The following PBX1 variants were observed in gnomAD, a reference collection of about 807,000 sequenced individuals.
PBX1 encodes pre-B-cell leukemia transcription factor 1.
A neutral mutation model predicts 53.4 loss-of-function variants in PBX1; 6 were observed. The ratio of observed to expected loss-of-function variants is 0.11; its 90% confidence interval spans 0.06 to 0.22. The LOEUF is 0.22. Among genes scored for constraint, PBX1 ranks in the 10% least tolerant of loss-of-function variants. The probability of loss-of-function intolerance (pLI) is 1.00; values close to 1 mark genes in which losing one functional copy is unlikely to be tolerated. For synonymous variants in PBX1, 204 were observed against 212.3 expected (o/e 0.96, Z 0.34); for missense variants, 251 against 551.4 (o/e 0.46, Z 5.46).
intron 7 of PBX1, 73 bp from the exon 8 acceptor site, chr1:164,821,464 C>T (rs1419576372): frequency 5.3e-6 from 6 of 1,140,760 alleles, no homozygotes; most frequent in Admixed American, 1.7e-5. Context: ...GGTGGCCTGC[C>T]TGATGATGAT....
chr1:164,632,779 A>G (rs577712626), intron 2 of PBX1, among the ~76,000 whole-genome samples: 144 of 152,296 alleles, frequency 9.5e-4, no homozygotes, highest in South Asian at 2.9e-3. Context: ...TATTATTACC[A>G]GGAACTCATT....
intron 8 of PBX1, among the ~76,000 whole-genome samples, chr1:164,834,711 GA>G (rs1670948157): frequency 6.6e-6 from 1 of 152,176 alleles, no homozygotes; most frequent in Non-Finnish European, 1.5e-5. Context: ...GTTGTATTTT[GA>G]AAAGAGTTAT....
At chr1:164,873,696 T>G (rs1672433536) in intron 2 of PBX1, among the ~76,000 whole-genome samples, 1 of 152,204 alleles carries the variant, frequency 6.6e-6, no homozygotes, top group South Asian at 2.1e-4. Flanking sequence ...TTTGATATTC[T>G]CTCAACCACC....
At chr1:164,645,414 A>G (rs990533379) in intron 2 of PBX1, among the ~76,000 whole-genome samples, 1 of 152,110 alleles carries the variant, frequency 6.6e-6, no homozygotes, top group Non-Finnish European at 1.5e-5. Context: ...TAACTCCCTG[A>G]AGGGGAAAAA....
intron 8 of PBX1, among the ~76,000 whole-genome samples, chr1:164,840,374 T>C (rs1201952753): frequency 6.6e-6 from 1 of 152,170 alleles, no homozygotes; most frequent in Non-Finnish European, 1.5e-5. Flanking sequence ...GGGCATCCCA[T>C]ATTTTATCTG....
At chr1:164,596,205 G>T (rs1186985686) in intron 2 of PBX1, among the ~76,000 whole-genome samples, 2 of 151,750 alleles carry the variant, frequency 1.3e-5, no homozygotes, top group Non-Finnish European at 2.9e-5. Context: ...GTGCAGAAAG[G>T]TTACCTTCAA....
At chr1:164,574,464 C>G (rs913839714) in intron 2 of PBX1, among the ~76,000 whole-genome samples, 1 of 152,232 alleles carries the variant, frequency 6.6e-6, no homozygotes, top group Admixed American at 6.5e-5. Context: ...TGAGCCCCAA[C>G]ATGATCCCTG....
chr1:164,836,980 G>A (rs1671069089), intron 8 of PBX1, among the ~76,000 whole-genome samples: 1 of 152,326 alleles, frequency 6.6e-6, no homozygotes, highest in Non-Finnish European at 1.5e-5. Context: ...CAGTCTTTGG[G>A]ATGTGGAGTT....
At chr1:164,589,256 A>C (rs1655188201) in intron 2 of PBX1, among the ~76,000 whole-genome samples, 1 of 152,008 alleles carries the variant, frequency 6.6e-6, no homozygotes, top group African/African-American at 2.4e-5. Flanking sequence ...TTTTTGTTTA[A>C]GTTTCTGCAG....
At chr1:164,700,594 A>C in intron 2 of PBX1, 1 of 985,350 alleles carries the variant, frequency 1.0e-6, no homozygotes, top group Non-Finnish European at 1.2e-6. Context: ...GATCATCTTT[A>C]TTACCTCATG....
Position 164,579,722 on chromosome 1 carries a change from C to G in PBX1, c.265+16411C>G, listed in dbSNP as rs533118933. Among the ~76,000 whole-genome samples the G allele has an allele frequency of 5.9e-5, 9 of 151,930 alleles. No individual in the cohort carries two copies. The South Asian group carries it at 1.9e-3, about 32-fold the overall frequency. ...ATTTGAAGGAAAGAGTGCTCTGGGC[C>G]CCAGTAGTGGTGGATCATCCTGGAA... On this transcript the variant is annotated intron_variant, in intron 2 of 8. Coordinates refer to ENST00000420696, the MANE Select transcript of PBX1 (RefSeq NM_002585.4).
At chr1:164,814,080 A>T (rs1047827476) in intron 6 of PBX1, 3 of 152,234 alleles carry the variant, frequency 2.0e-5, no homozygotes, top group Non-Finnish European at 4.4e-5. Flanking sequence ...ATACTATTGT[A>T]TGTGTGCAAT....
intron 2 of PBX1, among the ~76,000 whole-genome samples, chr1:164,753,142 A>G (rs1055061705): frequency 6.6e-6 from 1 of 152,206 alleles, no homozygotes; most frequent in Admixed American, 6.5e-5. Context: ...CTCTACATTC[A>G]TTTCTTTTTT....
rs12033962 is a variant in PBX1, at chr1:164,559,633, T to C, written c.-190T>C. Reference sequence around the variant, plus strand: ...TCACGCCCCCTCCCCCTCCCCCTCCTCATCCTCCCACCATCCTCTAAAGAG... The same window carrying C: ...TCACGCCCCCTCCCCCTCCCCCTCCCCATCCTCCCACCATCCTCTAAAGAG... On this transcript the variant is annotated 5_prime_UTR_variant, in exon 1 of 9. Transcript: ENST00000420696. 0.94 allele frequency: 256,485 copies of C among 271,974 alleles called. 120,738 individuals carry two copies. The highest frequency in any genetic ancestry group is 1 in the East Asian group (17,333 of 17,346). The allele number at this position is 271,974 out of a possible 1,614,324, so 16.8% of individuals were successfully genotyped here.
At chr1:164,578,388 T>C (rs1654400377) in intron 2 of PBX1, among the ~76,000 whole-genome samples, 1 of 152,246 alleles carries the variant, frequency 6.6e-6, no homozygotes, top group East Asian at 1.9e-4. Flanking sequence ...CCTGGTTGGA[T>C]TTATTTTTTC....
chr1:164,798,698 G>T (rs1295694181), intron 3 of PBX1, among the ~76,000 whole-genome samples: 1 of 152,208 alleles, frequency 6.6e-6, no homozygotes, highest in African/African-American at 2.4e-5. Context: ...CAGAGCTGAT[G>T]ATATGCTAGT....
At chr1:164,644,258 G>C (rs1449486581) in intron 2 of PBX1, among the ~76,000 whole-genome samples, 1 of 152,140 alleles carries the variant, frequency 6.6e-6, no homozygotes. Flanking sequence ...TTAAATTTCT[G>C]TTTCTTTGAA....
chr1:164,605,514 C>T (rs970184482), intron 2 of PBX1: 2 of 152,124 alleles, frequency 1.3e-5, no homozygotes, highest in Non-Finnish European at 2.9e-5. Flanking sequence ...CCTTGGGTCT[C>T]TCCAGTTTTC....
At chr1:164,812,865 A>G (rs1165029225) in intron 6 of PBX1, 2 of 152,314 alleles carry the variant, frequency 1.3e-5, no homozygotes, top group South Asian at 2.1e-4. Context: ...AATGTAGTTA[A>G]TAATGCAAAA....
Sources: gnomAD v4.1 joint callset for allele counts (sites outside exome capture counted in the v4.1 genomes callset) on GRCh38, gnomAD v4.1.1 for gene constraint, MANE v1.5 for transcripts, NCBI Gene and HGNC (gene_info 2026-07-23, HGNC 2026-07-21) for gene names.